The following TPST1 variants were observed in gnomAD, a reference collection of about 807,000 sequenced individuals.
TPST1 encodes protein-tyrosine sulfotransferase 1.
Under a neutral mutation model 34.8 loss-of-function variants are expected in TPST1, and 20 were observed. The ratio of observed to expected loss-of-function variants is 0.57; its 90% CI spans 0.40 to 0.84. The LOEUF (loss-of-function observed/expected upper bound fraction) is 0.84. TPST1 is among the 40% of genes least tolerant of loss of function. The pLI is 0.00. For missense variants in TPST1, 353 were observed against 455.5 expected (o/e 0.78, Z 2.05); for synonymous variants, 152 against 159.4 (o/e 0.95, Z 0.35).
intron 2 of TPST1, among the ~76,000 whole-genome samples, chr7:66,257,795 C>T (rs1221760866): frequency 6.6e-6 from 1 of 152,088 alleles, no homozygotes; most frequent in Non-Finnish European, 1.5e-5. Flanking sequence ...TGTTGAGTCG[C>T]GAGGACCTAT....
At chr7:66,224,916 T>C (rs1201396424) in intron 1 of TPST1, among the ~76,000 whole-genome samples, 2 of 121,194 alleles carry the variant, frequency 1.7e-5, no homozygotes, top group Non-Finnish European at 3.6e-5. Flanking sequence ...TTTTTTTTTT[T>C]TTTTTTTTTT....
Position 66,293,410 on chromosome 7 carries a change from G to T in TPST1, c.1044+6701G>T, listed in dbSNP as rs189260003. On this transcript the variant is annotated intron_variant, in intron 3 of 5. Transcript: ENST00000304842. ...CCCAGCTACTTGGGAGGCTGAGGTG[G>T]GAGGATTGATTGAGCCTGAGAGGTC... 5.3e-3 allele frequency among the ~76,000 whole-genome samples: 811 copies of T among 152,254 alleles called. 6 individuals are homozygous for T. The highest frequency in any genetic ancestry group is 7.4e-3 in the Non-Finnish European group (504 of 68,010).
intron 2 of TPST1, among the ~76,000 whole-genome samples, chr7:66,286,249 G>A (rs1375484244): frequency 6.6e-6 from 1 of 152,178 alleles, no homozygotes; most frequent in Non-Finnish European, 1.5e-5. Flanking sequence ...TGTAATTACA[G>A]TGTCAAGACA....
intron 3 of TPST1, among the ~76,000 whole-genome samples, chr7:66,344,767 AGGCTGGAGTACAG>A (rs1342376622): frequency 1.4e-5 from 2 of 141,782 alleles, no homozygotes; most frequent in Non-Finnish European, 3.0e-5. Context: ...TCTGTCGCCC[AGGCTGGAGTACAG>A]TGGTGCAATC....
chr7:66,354,060 T>C (rs185307884), intron 4 of TPST1, among the ~76,000 whole-genome samples: 158 of 152,332 alleles, frequency 1.0e-3, no homozygotes, highest in African/African-American at 3.7e-3. Flanking sequence ...ATTCACCAAT[T>C]GTTTACCCAG....
chr7:66,280,290 A>T (rs943845297), intron 2 of TPST1, among the ~76,000 whole-genome samples: 1 of 152,180 alleles, frequency 6.6e-6, no homozygotes, highest in African/African-American at 2.4e-5. Context: ...TCCTCTAAGC[A>T]TTGGAAGCGT....
chr7:66,229,341 A>C (rs934112962), intron 1 of TPST1, among the ~76,000 whole-genome samples: 1 of 152,132 alleles, frequency 6.6e-6, no homozygotes, highest in African/African-American at 2.4e-5. Flanking sequence ...CGATCTCCTG[A>C]CCTCGTGATC....
At chr7:66,272,571 C>G (rs543396450) in intron 2 of TPST1, among the ~76,000 whole-genome samples, 1 of 151,306 alleles carries the variant, frequency 6.6e-6, no homozygotes, top group African/African-American at 2.4e-5. Flanking sequence ...ACAGAATACC[C>G]ACTCTCACCC....
chr7:66,215,055 T>TTA (rs576898295), intron 1 of TPST1, among the ~76,000 whole-genome samples: 254 of 147,172 alleles, frequency 1.7e-3, no homozygotes, highest in African/African-American at 5.8e-3. Context: ...TTAAATATAT[T>TTA]TATATATATA....
chr7:66,258,459 G>GTA (rs1790422799), intron 2 of TPST1, among the ~76,000 whole-genome samples: 1 of 152,126 alleles, frequency 6.6e-6, no homozygotes, highest in South Asian at 2.1e-4. Context: ...TTTGGCAACA[G>GTA]TTTATATTTT....
chr7:66,215,771 C>CTTTTTTTTTTTTT (rs772346557), intron 1 of TPST1, among the ~76,000 whole-genome samples: 1 of 108,536 alleles, frequency 9.2e-6, no homozygotes. Flanking sequence ...TTTTCTTTTT[C>CTTTTTTTTTTTTT]TTTCTTTTTT....
At chr7:66,226,566 C>T (rs1287560326) in intron 1 of TPST1, among the ~76,000 whole-genome samples, 1 of 152,116 alleles carries the variant, frequency 6.6e-6, no homozygotes, top group Non-Finnish European at 1.5e-5. Context: ...CCTTTGTTTT[C>T]CCTTTTTGGT....
At position 66,352,543 on chromosome 7, in the gene TPST1, A is replaced by G; in HGVS notation, c.1083A>G (p.Lys361=). 6.2e-7 allele frequency: 1 copy of G among 1,613,336 alleles called. No individual in the cohort carries two copies. Among genetic ancestry groups the G allele is most frequent in the South Asian group, 1.1e-5 (1 of 90,912 alleles). Residue 361 remains lysine, a synonymous_variant, in exon 4 of 6, where the codon AAA becomes AAG. Transcript: ENST00000304842. ...KGEFQLPDFL[K]EKPQTEQVE is the part of the protein sequence containing the mutation. Reference sequence around the variant, plus strand: ...AATTCCAACTACCTGACTTTCTTAAAGAAAAACCACAGGTACTGTGTCTGC... The same window carrying G: ...AATTCCAACTACCTGACTTTCTTAAGGAAAAACCACAGGTACTGTGTCTGC...
intron 3 of TPST1, among the ~76,000 whole-genome samples, chr7:66,339,612 T>C (rs934817982): frequency 6.6e-6 from 1 of 151,470 alleles, no homozygotes; most frequent in South Asian, 2.1e-4. Flanking sequence ...AACAAAATAC[T>C]AACAAACCAA....
intron 1 of TPST1, among the ~76,000 whole-genome samples, chr7:66,235,567 C>CT (rs972907191): frequency 1.4e-4 from 21 of 151,432 alleles, no homozygotes; most frequent in African/African-American, 4.9e-4. Context: ...TAATGAATTC[C>CT]TTTTTTAAAA....
chr7:66,236,643 G>A (rs1264821021), intron 1 of TPST1, among the ~76,000 whole-genome samples: 1 of 151,992 alleles, frequency 6.6e-6, no homozygotes, highest in Non-Finnish European at 1.5e-5. Context: ...CAACCACCTT[G>A]GGCACAGGTC....
intron 3 of TPST1, among the ~76,000 whole-genome samples, chr7:66,333,766 C>G (rs751477996): frequency 6.6e-6 from 1 of 152,146 alleles, no homozygotes; most frequent in Non-Finnish European, 1.5e-5. Flanking sequence ...AGCCACAAGT[C>G]CCCTGGACCT....
At chr7:66,228,301 G>T (rs1789706223) in intron 1 of TPST1, among the ~76,000 whole-genome samples, 2 of 152,132 alleles carry the variant, frequency 1.3e-5, no homozygotes, top group South Asian at 4.1e-4. Context: ...TCAAATTGTT[G>T]TTAAGGAAAT....
At chr7:66,333,517 A>G (rs1792036046) in intron 3 of TPST1, among the ~76,000 whole-genome samples, 1 of 152,240 alleles carries the variant, frequency 6.6e-6, no homozygotes, top group South Asian at 2.1e-4. Flanking sequence ...TCAGGCTTTG[A>G]GAAACTTCCT....
Sources: gnomAD v4.1 joint callset for allele counts (sites outside exome capture counted in the v4.1 genomes callset) on GRCh38, gnomAD v4.1.1 for gene constraint, MANE v1.5 for transcripts, NCBI Gene and HGNC (gene_info 2026-07-23, HGNC 2026-07-21) for gene names.